Variants in AEBP1 observed in about 807,000 individuals in gnomAD.
AEBP1 encodes the protein AE binding protein 1.
In AEBP1, 69 loss-of-function variants were observed where a neutral mutation model predicts 116.5. The observed-to-expected ratio is 0.59, with a 90% CI of 0.49 to 0.72. The LOEUF (loss-of-function observed/expected upper bound fraction) is 0.72. Among genes scored for constraint, AEBP1 ranks in the 30% least tolerant of loss-of-function variants. The pLI is 0.00. For synonymous variants in AEBP1, 627 were observed against 627.3 expected (o/e 1.00, Z 0.01); for missense variants, 1,444 against 1,557.5 (o/e 0.93, Z 1.23).
At position 44,114,325 on chromosome 7, in the gene AEBP1, C is replaced by CATCACAGTCAAG. The variant is rs2096234444; in HGVS notation, c.*64_*65insATCACAGTCAAG. The CATCACAGTCAAG allele has an allele frequency of 6.4e-7, 1 of 1,561,408 alleles. No homozygotes were observed. The highest frequency in any genetic ancestry group is 8.8e-7 in the Non-Finnish European group (1 of 1,138,884). On this transcript the variant is annotated 3_prime_UTR_variant, in exon 21 of 21. Coordinates refer to ENST00000223357, the MANE Select transcript of AEBP1 (RefSeq NM_001129.5). ...ACAGCAGCAGCACTTCCCAAGCCTG[C>CATCACAGTCAAG]TGACCACAGTCACATCACCCATCAG...
At position 44,107,407 on chromosome 7, in the gene AEBP1, G is replaced by T; in HGVS notation, c.596-32G>T. 1 of 1,611,214 alleles carries T rather than the reference G, an allele frequency of 6.2e-7. No individual in the cohort carries two copies. Among genetic ancestry groups the T allele is most frequent in the Middle Eastern group, 1.7e-4 (1 of 6,048 alleles). On this transcript the variant is annotated intron_variant, in intron 2 of 20. Transcript: ENST00000223357. The surrounding 1 kb of genome is among the most constrained non-coding windows in gnomAD (Gnocchi z 4.3). The stretch of plus-strand genomic sequence containing the variant: ...CCAAGGTGGTCAGAGCAGGCCTCCC[G>T]CCCACCTGCTTCTGGAACTCCTGTG...
At position 44,106,641 on chromosome 7, in the gene AEBP1, C is replaced by T; in HGVS notation, c.349C>T (p.Pro117Ser). 2 of 1,612,988 alleles carry T rather than the reference C, an allele frequency of 1.2e-6. No homozygotes were observed. Among genetic ancestry groups the T allele is most frequent in the South Asian group, 1.1e-5 (1 of 90,928 alleles). Residue 117 changes from proline (P) to serine (S), a missense_variant, in exon 2 of 21, where the codon CCC (proline) becomes TCC (serine). Transcript: ENST00000223357. ...GTCCTTGGAGGGGTCCCCCAGGCCG[C>T]CCAAGAAGGGGAAGGAGAAGCCACC... ...KESLEGSPRP[P>S]KKGKEKPPKA...
Position 44,112,089 on chromosome 7 carries a change from T to A in AEBP1, c.2037+39T>A, listed in dbSNP as rs761296636. 1 of 1,603,110 alleles carries A rather than the reference T, an allele frequency of 6.2e-7. No homozygotes were observed. The highest frequency in any genetic ancestry group is 1.1e-5 in the South Asian group (1 of 90,542). On this transcript the variant is annotated intron_variant, in intron 16 of 20. Transcript: ENST00000223357. The surrounding 1 kb of genome is among the most constrained non-coding windows in gnomAD (Gnocchi z 6.6). ...TGAGGCTGGCCAGGGTCCAGGCAGC[T>A]GGGGGTTGTGGGGGTGTGGGTAGCC...
rs1189941426 is a variant in AEBP1, at chr7:44,112,060, A to G, written c.2037+10A>G. Reference sequence around the variant, plus strand: ...GGTGGCAGCGCAGATGGTGGGTTGAAGGGTGAGGCTGGCCAGGGTCCAGGC... The same window carrying G: ...GGTGGCAGCGCAGATGGTGGGTTGAGGGGTGAGGCTGGCCAGGGTCCAGGC... On this transcript the variant is annotated intron_variant, in intron 16 of 20. Coordinates refer to ENST00000223357, the MANE Select transcript of AEBP1 (RefSeq NM_001129.5). The surrounding 1 kb of genome is among the most constrained non-coding windows in gnomAD (Gnocchi z 6.6). The G allele has an allele frequency of 1.1e-5, 18 of 1,610,110 alleles. No homozygotes were observed. Among genetic ancestry groups the G allele is most frequent in the Non-Finnish European group, 1.4e-5 (17 of 1,176,992 alleles).
In AEBP1 at chr7:44,111,803, T is replaced by C; in HGVS notation, c.1841-51T>C. The C allele has an allele frequency of 6.3e-7, 1 of 1,578,020 alleles. No homozygotes were observed. Among genetic ancestry groups the C allele is most frequent in the Non-Finnish European group, 8.6e-7 (1 of 1,160,394 alleles). On this transcript the variant is annotated intron_variant, in intron 15 of 20. Transcript: ENST00000223357. The surrounding 1 kb of genome is among the most constrained non-coding windows in gnomAD (Gnocchi z 4.7). ...AGGTGGGTCTGGGTCCTTCCTCAGC[T>C]GCCCTGGGCCTCGGGAGACTGAGTG...
chr7:44,111,760 C>G lies in AEBP1; in HGVS notation c.1841-94C>G. The G allele has an allele frequency of 1.3e-6, 2 of 1,533,042 alleles. No individual in the cohort carries two copies. The highest frequency in any genetic ancestry group is 1.8e-6 in the Non-Finnish European group (2 of 1,135,278). 95.0% of individuals were successfully genotyped at this position (1,533,042 alleles called of 1,614,324 possible). On this transcript the variant is annotated intron_variant, in intron 15 of 20. Coordinates refer to ENST00000223357, the MANE Select transcript of AEBP1 (RefSeq NM_001129.5). This position sits in a 1 kb window ranked among gnomAD's most constrained non-coding sequence, Gnocchi z 4.7. Reference sequence around the variant, plus strand: ...AGGGCCCTAGGAGCCCCAGCTGTCCCCCAGACCCTCGGGTATGAGGTGGGT... The same window carrying G: ...AGGGCCCTAGGAGCCCCAGCTGTCCGCCAGACCCTCGGGTATGAGGTGGGT...
rs1019546513 is a variant in AEBP1, at chr7:44,108,520, C to T, written c.941-379C>T. On this transcript the variant is annotated intron_variant, in intron 6 of 20. Transcript: ENST00000223357. This position sits in a 1 kb window ranked among gnomAD's most constrained non-coding sequence, Gnocchi z 5.0. ...GGTTCCCTTTCCTCCTGGGTGGCAG[C>T]CCGTGCATCGCCATTTCCCTGCCCC... 6.6e-6 allele frequency among the ~76,000 whole-genome samples: 1 copy of T among 152,110 alleles called. No individual in the cohort carries two copies. The highest frequency in any genetic ancestry group is 2.4e-5 in the African/African-American group (1 of 41,424).
chr7:44,111,980 T>C lies in AEBP1; in HGVS notation c.1967T>C (p.Leu656Pro). ...GATGGGAACCCACGTGTGCGCAGCCTGGTGCAGGACACACGCATCCACCTG... is the reference window on the plus strand; with the variant it reads ...GATGGGAACCCACGTGTGCGCAGCCCGGTGCAGGACACACGCATCCACCTG... ...YRDGNPRVRS[L>P]VQDTRIHLVP... The change falls in exon 16 of 21, where the codon CTG becomes CCG. Residue 656 changes from leucine to proline, a missense_variant. Transcript: ENST00000223357. This position sits in a 1 kb window ranked among gnomAD's most constrained non-coding sequence, Gnocchi z 4.7. The C allele has an allele frequency of 1.9e-6, 3 of 1,613,854 alleles. No individual in the cohort carries two copies. Among genetic ancestry groups the C allele is most frequent in the Non-Finnish European group, 8.5e-7 (1 of 1,180,016 alleles).
rs749808468 is a variant in AEBP1, at chr7:44,113,080, C to T, written c.2659C>T (p.Pro887Ser). 4 of 1,614,086 alleles carry T rather than the reference C, an allele frequency of 2.5e-6. No individual in the cohort carries two copies. The Admixed American group carries it at 5.0e-5, about 20-fold the overall frequency. ...CDKFPHESELPREWENNKEAL... is the reference protein window; with the variant it reads ...CDKFPHESELSREWENNKEAL... ...CAAGTTCCCTCATGAGAGTGAGCTG[C>T]CCCGCGAGTGGGAGAACAACAAGGA... The change falls in exon 19 of 21, where the codon CCC becomes TCC. Residue 887 changes from proline (P) to serine (S), a missense_variant. Transcript: ENST00000223357. The surrounding 1 kb of genome is among the most constrained non-coding windows in gnomAD (Gnocchi z 5.3).
At position 44,107,959 on chromosome 7, in the gene AEBP1, C is replaced by T; in HGVS notation, c.862+28C>T. On this transcript the variant is annotated intron_variant, in intron 5 of 20. Coordinates refer to ENST00000223357, the MANE Select transcript of AEBP1 (RefSeq NM_001129.5). This position sits in a 1 kb window ranked among gnomAD's most constrained non-coding sequence, Gnocchi z 4.3. ...AGGATGGGGGGCAGGAGAGGAGGTG[C>T]CATGGCCACGGCGCTCTGGCCCCCT... 1 of 1,424,090 alleles carries T rather than the reference C, an allele frequency of 7.0e-7. No individual in the cohort carries two copies. The highest frequency in any genetic ancestry group is 1.2e-5 in the South Asian group (1 of 82,098). The allele number at this position is 1,424,090 out of a possible 1,614,324, so 88.2% of individuals were successfully genotyped here.
chr7:44,109,542 G>A, intron 9 of AEBP1: 1 of 641,304 alleles, frequency 1.6e-6, no homozygotes, highest in East Asian at 2.8e-5. Context: ...AGGCTGGCCT[G>A]CTTCAGGAGG....
In AEBP1 at chr7:44,110,136, G is replaced by T; in HGVS notation, c.1260+12G>T. On this transcript the variant is annotated intron_variant, in intron 10 of 20. Transcript: ENST00000223357. ...GGCTCAACATGCAGGTGGGCATTGG[G>T]ATGGGCCCATCTCCCAACTGGGATA... 1 of 1,613,138 alleles carries T rather than the reference G, an allele frequency of 6.2e-7. No individual in the cohort carries two copies. The highest frequency in any genetic ancestry group is 2.2e-5 in the East Asian group (1 of 44,882).
rs1424063335 is a variant in AEBP1, at chr7:44,107,928, A to G, written c.859A>G (p.Ile287Val). ...CCCGGCCCCAGCCCCGGAGGAGAGG[A>G]TTGGTAGGATGGGGGGCAGGAGAGG... ...KAPAPAPEER[I>V]EPPVKPLLPP... The change falls in exon 5 of 21, where the codon ATT becomes GTT. Residue 287 changes from isoleucine (I) to valine (V), a missense_variant. Transcript: ENST00000223357. The surrounding 1 kb of genome is among the most constrained non-coding windows in gnomAD (Gnocchi z 4.3). 2 of 1,584,774 alleles carry G rather than the reference A, an allele frequency of 1.3e-6. No homozygotes were observed. Among genetic ancestry groups the G allele is most frequent in the East Asian group, 4.6e-5 (2 of 43,110 alleles).
Position 44,114,282 on chromosome 7 carries a change from C to A in AEBP1, c.*21C>A, listed in dbSNP as rs766386752. On this transcript the variant is annotated 3_prime_UTR_variant, in exon 21 of 21. Coordinates refer to ENST00000223357, the MANE Select transcript of AEBP1 (RefSeq NM_001129.5). ...TCTGAGATCAGCGTCCTACCAAGAC[C>A]CCAGCCCAACTCAAGCTACAGCAGC... The A allele has an allele frequency of 1.2e-6, 2 of 1,610,858 alleles. No individual in the cohort carries two copies. The highest frequency in any genetic ancestry group is 1.3e-5 in the African/African-American group (1 of 74,830).
chr7:44,111,325 A>C lies in AEBP1; in HGVS notation c.1716+86A>C. ...GCCTGGTGCTTCTGTCACTGGGCCC[A>C]GTCCCTACTGGTTCCAGGGATGCTG... On this transcript the variant is annotated intron_variant, in intron 14 of 20. Coordinates refer to ENST00000223357, the MANE Select transcript of AEBP1 (RefSeq NM_001129.5). This position sits in a 1 kb window ranked among gnomAD's most constrained non-coding sequence, Gnocchi z 4.7. 7.0e-7 allele frequency: 1 copy of C among 1,423,316 alleles called. No individual in the cohort carries two copies. The highest frequency in any genetic ancestry group is 1.4e-5 in the African/African-American group (1 of 69,376). 88.2% of individuals were successfully genotyped at this position (1,423,316 alleles called of 1,614,324 possible). A position where few individuals can be genotyped will look rare whatever the true frequency, so the allele number is the denominator to read the frequency against.
Position 44,111,147 on chromosome 7 carries a change from C to A in AEBP1, c.1631-7C>A. The A allele has an allele frequency of 6.4e-7, 1 of 1,556,678 alleles. No individual in the cohort carries two copies. Among genetic ancestry groups the A allele is most frequent in the South Asian group, 1.2e-5 (1 of 81,572 alleles). On this transcript the variant is annotated splice_region_variant and splice_polypyrimidine_tract_variant and intron_variant, in intron 13 of 20. Transcript: ENST00000223357. This position sits in a 1 kb window ranked among gnomAD's most constrained non-coding sequence, Gnocchi z 4.7. Reference sequence around the variant, plus strand: ...CCCAGCTAAAGACAACCCCGCCTCCCTTGCAGCTGTCTACAGCTACTACGC... The same window carrying A: ...CCCAGCTAAAGACAACCCCGCCTCCATTGCAGCTGTCTACAGCTACTACGC...
chr7:44,109,565 C>T (rs1270872750), intron 9 of AEBP1: 1 of 605,436 alleles, frequency 1.7e-6, no homozygotes, highest in Non-Finnish European at 2.9e-6. Flanking sequence ...GGCAGCTCCC[C>T]AGGGCCCCTA....
intron 1 of AEBP1, among the ~76,000 whole-genome samples, chr7:44,105,381 C>T (rs894620024): frequency 2.0e-5 from 3 of 152,104 alleles, no homozygotes; most frequent in Non-Finnish European, 4.4e-5. Flanking sequence ...GAGCACAGGG[C>T]TTCAGGTGGT....
chr7:44,113,602 G>A lies in AEBP1; in HGVS notation c.2818G>A (p.Gly940Ser), dbSNP rs2096232628. The A allele has an allele frequency of 6.2e-7, 1 of 1,610,824 alleles. No individual in the cohort carries two copies. The highest frequency in any genetic ancestry group is 1.7e-5 in the Admixed American group (1 of 59,970). Residue 940 changes from glycine (G) to serine (S), a missense_variant, in exon 21 of 21, where the codon GGT becomes AGT. Physicochemically the swap from Gly to Ser is moderately conservative, Grantham distance 56 (BLOSUM62 0). Transcript: ENST00000223357. This position sits in a 1 kb window ranked among gnomAD's most constrained non-coding sequence, Gnocchi z 5.3. ...INHGVKTASGGDYWRILNPGE... is the reference protein window; with the variant it reads ...INHGVKTASGSDYWRILNPGE... ...TCGTTCTCCCTCCGCAGCCAGTGGT[G>A]GTGATTACTGGCGAATCTTGAACCC...
Sources: allele counts gnomAD v4.1 joint callset (sites outside exome capture counted in the v4.1 genomes callset), GRCh38; gene constraint gnomAD v4.1.1; non-coding constraint Gnocchi (gnomAD v3.1); transcripts MANE v1.5; gene names NCBI Gene and HGNC (gene_info 2026-07-23, HGNC 2026-07-21).